Variants in PSD3 observed in about 807,000 individuals in gnomAD.
PSD3 encodes the protein pleckstrin and Sec7 domain containing 3.
In PSD3, 49 loss-of-function variants were observed where a neutral mutation model predicts 105.5. That is an observed-to-expected ratio of 0.46 (90% CI 0.37 to 0.59). The LOEUF (loss-of-function observed/expected upper bound fraction) is 0.59, where lower values mean the gene tolerates loss of function less well. PSD3 is among the 20% of genes least tolerant of loss of function. The pLI is 0.00. For missense variants in PSD3, 1,561 were observed against 1,263.8 expected (o/e 1.24, Z -3.57); for synonymous variants, 557 against 457.8 (o/e 1.22, Z -2.77).
At chr8:18,553,107 C>T (rs566122555) in intron 15 of PSD3, among the ~76,000 whole-genome samples, 18 of 152,292 alleles carry the variant, frequency 1.2e-4, no homozygotes, top group African/African-American at 4.1e-4. Flanking sequence ...GGAATGCATA[C>T]AATTAGTAAC....
intron 2 of PSD3, among the ~76,000 whole-genome samples, chr8:18,932,926 T>C (rs1034926590): frequency 1.9e-4 from 29 of 152,366 alleles, no homozygotes; most frequent in Middle Eastern, 3.4e-3. Flanking sequence ...ACCTCCTCCA[T>C]GAAGTTATCA....
chr8:18,872,472 A>C lies in PSD3; in HGVS notation c.392T>G (p.Ile131Ser). ...SHLKEQSLQP[I>S]DSLISALKAT... ...TTTCAGAGCTGAAATCAAAGAGTCA[A>C]TGGGCTGTAAACTTTGTTCCTTGAG... Residue 131 changes from isoleucine (I) to serine (S), a missense_variant, in exon 3 of 16, where the codon ATT (isoleucine) becomes AGT (serine). By Grantham distance (142) the Ile-to-Ser change is moderately radical (BLOSUM62 -2). Coordinates refer to ENST00000327040, the MANE Select transcript of PSD3 (RefSeq NM_015310.4). The C allele has an allele frequency of 6.2e-7, 1 of 1,614,164 alleles. No homozygotes were observed. Among genetic ancestry groups the C allele is most frequent in the Non-Finnish European group, 8.5e-7 (1 of 1,180,030 alleles).
chr8:18,631,117 G>C (rs1402942989), intron 11 of PSD3, among the ~76,000 whole-genome samples: 1 of 151,958 alleles, frequency 6.6e-6, no homozygotes, highest in South Asian at 2.1e-4. Flanking sequence ...TCTTAGCCTT[G>C]GAGACAGAAG....
chr8:18,619,460 C>T (rs918772350), intron 11 of PSD3, among the ~76,000 whole-genome samples: 7 of 152,112 alleles, frequency 4.6e-5, no homozygotes, highest in African/African-American at 1.7e-4. Context: ...GCCTGACCAA[C>T]AAGGTCTGAC....
chr8:19,084,450 A>C (rs1829744893), exon 1 of PSD3: 1 of 455,736 alleles, frequency 2.2e-6, no homozygotes, highest in Admixed American at 2.4e-5. Flanking sequence ...TCGGGGGTCC[A>C]TGCCCCACAG....
intron 12 of PSD3, among the ~76,000 whole-genome samples, chr8:18,599,058 T>C (rs1804242738): frequency 6.6e-6 from 1 of 152,100 alleles, no homozygotes. Flanking sequence ...ATTCCAAAAT[T>C]TATATGTAAT....
intron 7 of PSD3, among the ~76,000 whole-genome samples, chr8:18,799,565 T>C (rs1156899960): frequency 6.6e-6 from 1 of 152,202 alleles, no homozygotes; most frequent in Non-Finnish European, 1.5e-5. Context: ...TAAGTTGTTC[T>C]TACCTCTCTG....
intron 4 of PSD3, among the ~76,000 whole-genome samples, chr8:18,842,524 G>C (rs1586195386): frequency 6.6e-6 from 1 of 152,168 alleles, no homozygotes; most frequent in African/African-American, 2.4e-5. Flanking sequence ...ACAAGGTCAG[G>C]AGATCGAGAC....
intron 9 of PSD3, among the ~76,000 whole-genome samples, chr8:18,717,005 G>C (rs77024082): frequency 6.6e-6 from 1 of 152,050 alleles, no homozygotes; most frequent in Non-Finnish European, 1.5e-5. Flanking sequence ...TCAAGGGTAA[G>C]TTTTTTTCTA....
At chr8:18,910,675 C>T (rs1820160210) in intron 2 of PSD3, among the ~76,000 whole-genome samples, 1 of 150,298 alleles carries the variant, frequency 6.7e-6, no homozygotes, top group African/African-American at 2.4e-5. Flanking sequence ...GTCTGATGCC[C>T]CAGGCCATAT....
At chr8:18,750,686 C>T (rs183254263) in intron 9 of PSD3, among the ~76,000 whole-genome samples, 1 of 151,886 alleles carries the variant, frequency 6.6e-6, no homozygotes, top group African/African-American at 2.4e-5. Context: ...TTTGACAGGG[C>T]GCTGAGTGGT....
At chr8:18,971,054 T>C (rs1824620900) in intron 1 of PSD3, among the ~76,000 whole-genome samples, 1 of 151,660 alleles carries the variant, frequency 6.6e-6, no homozygotes, top group African/African-American at 2.4e-5. Flanking sequence ...AATGCATTCC[T>C]TAATGAGACC....
chr8:18,968,374 C>A (rs977017461), intron 1 of PSD3, among the ~76,000 whole-genome samples: 1 of 152,196 alleles, frequency 6.6e-6, no homozygotes, highest in Admixed American at 6.5e-5. Flanking sequence ...ATATCTAAAT[C>A]AATTGTCCTC....
intron 9 of PSD3, among the ~76,000 whole-genome samples, chr8:18,708,826 T>C (rs541594512): frequency 3.3e-5 from 5 of 151,440 alleles, no homozygotes; most frequent in African/African-American, 9.7e-5. Context: ...GCGTGACCCA[T>C]GGAGAGCAAG....
At chr8:18,984,608 A>G (rs1238106981) in intron 1 of PSD3, among the ~76,000 whole-genome samples, 3 of 152,250 alleles carry the variant, frequency 2.0e-5, no homozygotes, top group East Asian at 1.9e-4. Context: ...ATGAGGCCAC[A>G]ATATAATTTT....
chr8:19,031,972 T>C (rs1024960626), intron 1 of PSD3, among the ~76,000 whole-genome samples: 1 of 152,058 alleles, frequency 6.6e-6, no homozygotes, highest in Admixed American at 6.6e-5. Context: ...CATCCCACAA[T>C]CTCTTCTATT....
intron 12 of PSD3, among the ~76,000 whole-genome samples, chr8:18,595,240 A>T (rs534725503): frequency 6.6e-6 from 1 of 150,442 alleles, no homozygotes; most frequent in East Asian, 2.0e-4. Flanking sequence ...AAAAACCCTA[A>T]AAGATACCCA....
At chr8:18,671,465 C>T (rs992297494) in intron 9 of PSD3, among the ~76,000 whole-genome samples, 7 of 152,242 alleles carry the variant, frequency 4.6e-5, no homozygotes, top group Non-Finnish European at 8.8e-5. Flanking sequence ...AACTCTCTTT[C>T]CAAGAGGTAA....
intron 2 of PSD3, among the ~76,000 whole-genome samples, chr8:18,903,674 A>G (rs1037816534): frequency 6.6e-6 from 1 of 152,202 alleles, no homozygotes; most frequent in Non-Finnish European, 1.5e-5. Context: ...CTGATACCCC[A>G]GGGACCAATG....
Sources: gnomAD v4.1 joint callset for allele counts (sites outside exome capture counted in the v4.1 genomes callset) on GRCh38, gnomAD v4.1.1 for gene constraint, MANE v1.5 for transcripts, NCBI Gene and HGNC (gene_info 2026-07-23, HGNC 2026-07-21) for gene names.